FLT4: variants seen among roughly 807,000 people sequenced by gnomAD.
FLT4 encodes fms related receptor tyrosine kinase 4, also known as vascular endothelial growth factor receptor 3.
FLT4 carries 30 observed loss-of-function variants against 163.2 expected under a neutral mutation model. That is an observed-to-expected ratio of 0.18 (90% CI 0.14 to 0.25). The LOEUF (loss-of-function observed/expected upper bound fraction) is 0.25, where lower values mean the gene tolerates loss of function less well. Ranked by LOEUF, FLT4 falls within the 10% of genes least tolerant of loss-of-function variation. FLT4 has a pLI of 1.00. For missense variants in FLT4, 1,510 were observed against 1,863.8 expected (o/e 0.81, Z 3.50); for synonymous variants, 884 against 789.5 (o/e 1.12, Z -2.01).
chr5:180,622,334 C>T (rs1581654232), intron 12 of FLT4, among the ~76,000 whole-genome samples: 1 of 150,514 alleles, frequency 6.6e-6, no homozygotes, highest in South Asian at 2.1e-4. Context: ...CCAGTGACGT[C>T]TGCTCCTGGG....
At position 180,614,061 on chromosome 5, in the gene FLT4, C is replaced by T. The variant is rs780040637; in HGVS notation, c.3331+7G>A. 6.3e-7 allele frequency: 1 copy of T among 1,593,104 alleles called. No individual in the cohort carries two copies. The highest frequency in any genetic ancestry group is 8.6e-7 in the Non-Finnish European group (1 of 1,160,750). Reference sequence around the variant, plus strand: ...CTCTCCCCACCGGCACCCCATCCTGCACTCACCCAGAGAGAAGATCTCCCA... The same window carrying T: ...CTCTCCCCACCGGCACCCCATCCTGTACTCACCCAGAGAGAAGATCTCCCA... On this transcript the variant is annotated splice_region_variant and intron_variant, in intron 24 of 29. Transcript: ENST00000261937.
chr5:180,606,282 G>A (rs1761777584), intron 29 of FLT4, among the ~76,000 whole-genome samples: 2 of 152,246 alleles, frequency 1.3e-5, no homozygotes, highest in South Asian at 4.1e-4. Context: ...CCAAGGGGCT[G>A]CACTCCCTTC....
At chr5:180,640,316 A>C (rs1350237433) in intron 1 of FLT4, among the ~76,000 whole-genome samples, 1 of 152,240 alleles carries the variant, frequency 6.6e-6, no homozygotes, top group Non-Finnish European at 1.5e-5. Flanking sequence ...GCCAGGCCTC[A>C]CAGCAGCAGG....
At position 180,636,778 on chromosome 5, in the gene FLT4, A is replaced by C; in HGVS notation, c.59-5000T>G. Among the ~76,000 whole-genome samples the C allele has an allele frequency of 6.6e-6, 1 of 151,622 alleles. No individual in the cohort carries two copies. On this transcript the variant is annotated intron_variant, in intron 1 of 29. Coordinates refer to ENST00000261937, the MANE Select transcript of FLT4 (RefSeq NM_182925.5). The surrounding 1 kb of genome is among the most constrained non-coding windows in gnomAD (Gnocchi z 4.3). ...CCTGCTTCCCCTGTTCTTGATCCAC[A>C]TCCTTCAGCCTCATCAAAGCCCCCA... is the stretch of plus-strand genomic sequence containing the variant.
rs1032004317 is a variant in FLT4, at chr5:180,636,573, C to T, written c.59-4795G>A. ...CCATCCCCCCCACCCCAGCTCCTGCCCTTCTCCATGACTTCACCATCCACA... is the reference window on the plus strand; with the variant it reads ...CCATCCCCCCCACCCCAGCTCCTGCTCTTCTCCATGACTTCACCATCCACA... On this transcript the variant is annotated intron_variant, in intron 1 of 29. Transcript: ENST00000261937. The surrounding 1 kb of genome is among the most constrained non-coding windows in gnomAD (Gnocchi z 4.3). Among the ~76,000 whole-genome samples the T allele has an allele frequency of 6.6e-6, 1 of 150,396 alleles. No individual in the cohort carries two copies. The highest frequency in any genetic ancestry group is 1.5e-5 in the Non-Finnish European group (1 of 67,542).
chr5:180,621,510 C>T lies in FLT4; in HGVS notation c.2020+32G>A, dbSNP rs766513591. The stretch of plus-strand genomic sequence containing the variant: ...AGAGGCAGCTACTGCTAGAAGAGAG[C>T]GCGTCCCCGCCCTCCCCGCGGCCAG... On this transcript the variant is annotated intron_variant, in intron 13 of 29. Coordinates refer to ENST00000261937, the MANE Select transcript of FLT4 (RefSeq NM_182925.5). 1.1e-5 allele frequency: 18 copies of T among 1,606,672 alleles called. No individual in the cohort carries two copies. In the Admixed American group the frequency reaches 3.0e-4, roughly 27 times the overall value.
intron 23 of FLT4, among the ~76,000 whole-genome samples, chr5:180,614,648 C>T (rs935100272): frequency 2.6e-5 from 4 of 152,116 alleles, no homozygotes; most frequent in Admixed American, 2.6e-4. Context: ...CCGGCTGTCT[C>T]TCTCCCTCTC....
At chr5:180,647,566 C>G (rs568802807) in intron 1 of FLT4, among the ~76,000 whole-genome samples, 1 of 151,794 alleles carries the variant, frequency 6.6e-6, no homozygotes, top group South Asian at 2.1e-4. Flanking sequence ...CCCTGACACC[C>G]GACTGCAGCT....
intron 29 of FLT4, among the ~76,000 whole-genome samples, chr5:180,604,071 G>A (rs1761661416): frequency 6.6e-6 from 1 of 152,064 alleles, no homozygotes; most frequent in Non-Finnish European, 1.5e-5. Flanking sequence ...AACCACCAAG[G>A]ACACAGTGGA....
intron 28 of FLT4, chr5:180,609,497 C>A (rs948761214): frequency 8.0e-5 from 28 of 349,032 alleles, no homozygotes; most frequent in Admixed American, 3.4e-4. Flanking sequence ...AGGGAAACTG[C>A]GATCTTTTCA....
rs142137236 is a variant in FLT4 at position 180,629,268 on chromosome 5, T to C, written c.976A>G (p.Ile326Val). The C allele has an allele frequency of 5.0e-5, 80 of 1,612,918 alleles. No individual in the cohort carries two copies. Among genetic ancestry groups the C allele is most frequent in the Non-Finnish European group, 6.7e-5 (79 of 1,179,996 alleles). ...GTTTCCCAGGCCATACCATGCACAA[T>C]GACCTCGGTGCTCTCCCGAAATCGC... ...IQRFRESTEVIVHENPFISVE... is the reference protein window; with the variant it reads ...IQRFRESTEVVVHENPFISVE... Residue 326 changes from isoleucine to valine, a missense_variant, in exon 7 of 30, where the codon ATT becomes GTT. Ile to Val is a conservative substitution (Grantham distance 29, BLOSUM62 3). Coordinates refer to ENST00000261937, the MANE Select transcript of FLT4 (RefSeq NM_182925.5).
At chr5:180,615,310 C>T in intron 23 of FLT4, among the ~76,000 whole-genome samples, 1 of 150,390 alleles carries the variant, frequency 6.6e-6, no homozygotes, top group Non-Finnish European at 1.5e-5. Flanking sequence ...CCGGTCACCT[C>T]CCTTCTCCAC....
chr5:180,629,795 C>T lies in FLT4; in HGVS notation c.717G>A (p.Ser239=), dbSNP rs143732381. 3.1e-5 allele frequency: 50 copies of T among 1,612,452 alleles called. No homozygotes were observed. In the African/African-American group the frequency reaches 3.2e-4, roughly 10 times the overall value. ...GCTTCTCCCCTACCAGCAGCTCCAG[C>T]GACTTCCTGGGCAACAGCTGGATGT... ...LYDIQLLPRK[S]LELLVGEKLV... is the part of the protein sequence containing the mutation. The change falls in exon 6 of 30, where the codon TCG becomes TCA. Residue 239 remains serine (S), a synonymous_variant. Transcript: ENST00000261937.
intron 1 of FLT4, among the ~76,000 whole-genome samples, chr5:180,637,163 C>G (rs900406230): frequency 2.6e-5 from 4 of 151,944 alleles, no homozygotes; most frequent in Non-Finnish European, 5.9e-5. Flanking sequence ...AACCCCATCT[C>G]TACTAAAAAT....
intron 23 of FLT4, among the ~76,000 whole-genome samples, chr5:180,614,893 C>T (rs1299892301): frequency 6.6e-6 from 1 of 152,104 alleles, no homozygotes; most frequent in Non-Finnish European, 1.5e-5. Flanking sequence ...CTCCCCCAGG[C>T]GCGGAACCCT....
Position 180,620,489 on chromosome 5 carries a change from C to A in FLT4, c.2406+120G>T. The A allele has an allele frequency of 1.7e-6, 2 of 1,186,374 alleles. 1 individual carries two copies. The highest frequency in any genetic ancestry group is 2.5e-5 in the South Asian group (2 of 79,466). 73.5% of individuals were successfully genotyped at this position (1,186,374 alleles called of 1,614,324 possible). On this transcript the variant is annotated intron_variant, in intron 16 of 29. Transcript: ENST00000261937. The surrounding 1 kb of genome is among the most constrained non-coding windows in gnomAD (Gnocchi z 4.4). ...GAGCCCAGCGTGAAGGGCAGGGAGG[C>A]TTCCCAGGAAACAAGGCTGCCAGGT...
chr5:180,631,434 C>T (rs960564525), intron 2 of FLT4, among the ~76,000 whole-genome samples: 4 of 152,032 alleles, frequency 2.6e-5, no homozygotes, highest in African/African-American at 9.6e-5. Context: ...GATCGCACCA[C>T]TGCACTCCAG....
At chr5:180,605,435 G>GT (rs1761735700) in intron 29 of FLT4, among the ~76,000 whole-genome samples, 1 of 152,060 alleles carries the variant, frequency 6.6e-6, no homozygotes, top group African/African-American at 2.4e-5. Flanking sequence ...TCGTTTTCCT[G>GT]TTTCTTTTGA....
At position 180,609,962 on chromosome 5, in the gene FLT4, G is replaced by A. The variant is rs769978743; in HGVS notation, c.3750C>T (p.Ser1250=). The A allele has an allele frequency of 6.2e-7, 1 of 1,613,988 alleles. No individual in the cohort carries two copies. The highest frequency in any genetic ancestry group is 1.3e-5 in the African/African-American group (1 of 74,940). The stretch of plus-strand genomic sequence containing the variant: ...GGAATTCCTCAAATGTCTTCATCCT[G>A]GAGGAACCACGGGTCTCAGCCCCTC... ...LARGAETRGS[S]RMKTFEEFPM... Residue 1250 remains serine, a synonymous_variant, in exon 28 of 30, where the codon TCC becomes TCT. Coordinates refer to ENST00000261937, the MANE Select transcript of FLT4 (RefSeq NM_182925.5).
Sources: allele counts gnomAD v4.1 joint callset (sites outside exome capture counted in the v4.1 genomes callset), GRCh38; gene constraint gnomAD v4.1.1; non-coding constraint Gnocchi (gnomAD v3.1); transcripts MANE v1.5; gene names NCBI Gene and HGNC (gene_info 2026-07-23, HGNC 2026-07-21).